Variants in INSRR observed in about 807,000 individuals in gnomAD.
INSRR encodes the protein insulin receptor related receptor.
Under a neutral mutation model 130.0 loss-of-function variants are expected in INSRR, and 114 were observed. That is an observed-to-expected ratio of 0.88 (90% CI 0.75 to 1.02). INSRR has a LOEUF of 1.02. INSRR is among the 50% of genes least tolerant of loss of function. The pLI is 0.00. For missense variants in INSRR, 1,657 were observed against 1,735.2 expected, an observed-to-expected ratio of 0.95 and a Z score of 0.80; for synonymous variants, 674 against 705.2, an observed-to-expected ratio of 0.96 and a Z score of 0.70.
In INSRR at chr1:156,844,843, C is replaced by G. The variant is rs1349869940; in HGVS notation, c.2438G>C (p.Arg813Thr). ...TFVFARTMPH[R>T]EADGIPGKVA... ...CTTTCCTGGAATACCATCAGCCTCT[C>G]CTGCGGGAAGGGGCATCCAGCAGCC... The change falls in exon 13 of 22, where the codon AGA (arginine) becomes ACA (threonine). Residue 813 changes from arginine (R) to threonine (T), a missense_variant and splice_region_variant. Transcript: ENST00000368195. 1.4e-5 allele frequency: 22 copies of G among 1,613,776 alleles called. No homozygotes were observed. The highest frequency in any genetic ancestry group is 1.9e-5 in the Non-Finnish European group (22 of 1,179,926).
chr1:156,843,643 G>T (rs759175593), intron 15 of INSRR, among the ~76,000 whole-genome samples, 164 bp from the exon 16 acceptor site: 8 of 152,230 alleles, frequency 5.3e-5, no homozygotes, highest in Non-Finnish European at 7.3e-5. Context: ...CTCCAAGTTG[G>T]CCTTGGCCCT....
chr1:156,849,962 G>C (rs1655144941), intron 5 of INSRR, among the ~76,000 whole-genome samples: 1 of 151,834 alleles, frequency 6.6e-6, no homozygotes, highest in African/African-American at 2.4e-5. Flanking sequence ...GAGTGCAGTG[G>C]CACAATTGTG....
At chr1:156,847,837 C>T (rs762549342) in intron 7 of INSRR, among the ~76,000 whole-genome samples, 3 of 152,094 alleles carry the variant, frequency 2.0e-5, no homozygotes, top group Non-Finnish European at 4.4e-5. Flanking sequence ...GTTAGGGAAG[C>T]TTGTTGAAGG....
rs139555558 is a variant in INSRR, at chr1:156,842,095, C to A, written c.3397+17G>T. ...CTACTTTTCAGGCCGCCCTCATCTG[C>A]CTGGCACCCTCTGTACCCCCGATCT... On this transcript the variant is annotated intron_variant, in intron 19 of 21. Coordinates refer to ENST00000368195, the MANE Select transcript of INSRR (RefSeq NM_014215.3). The A allele has an allele frequency of 2.5e-6, 4 of 1,613,782 alleles. No homozygotes were observed. In the Admixed American group the frequency reaches 6.7e-5, roughly 27 times the overall value.
At chr1:156,844,399 G>A in intron 14 of INSRR, 63 bp downstream of exon 14, 3 of 1,581,974 alleles carry the variant, frequency 1.9e-6, no homozygotes, top group Non-Finnish European at 2.6e-6. Flanking sequence ...AGGGGCCTGT[G>A]GTGGGCTGGG....
In INSRR at chr1:156,845,224, C is replaced by T. The variant is rs56127838; in HGVS notation, c.2289G>A (p.Gln763=). 5,826 of 1,610,012 alleles carry T rather than the reference C, an allele frequency of 3.6e-3. 234 individuals are homozygous for T. In the African/African-American group the frequency reaches 0.07, roughly 19 times the overall value. The part of the protein sequence containing the change: ...LGGNSSDFEI[Q]EDKVPRERAV... ...CTCGCTCACGGGGCACCTTGTCCTCCTGGATCTCGAAATCCGAGCTGTTGC... is the reference window on the plus strand; with the variant it reads ...CTCGCTCACGGGGCACCTTGTCCTCTTGGATCTCGAAATCCGAGCTGTTGC... Residue 763 remains glutamine (Q), a synonymous_variant, in exon 12 of 22, where the codon CAG becomes CAA. Transcript: ENST00000368195.
chr1:156,850,960 C>A (rs1655184269), intron 5 of INSRR, among the ~76,000 whole-genome samples: 1 of 152,184 alleles, frequency 6.6e-6, no homozygotes, highest in Non-Finnish European at 1.5e-5. Context: ...CTGCAGCTGA[C>A]AGGACCAGAT....
In INSRR at chr1:156,845,833, G is replaced by C; in HGVS notation, c.1979-19C>G. On this transcript the variant is annotated intron_variant, in intron 9 of 21. Transcript: ENST00000368195. The stretch of plus-strand genomic sequence containing the variant: ...CGCAAGCCTGGCGCCGCAGCGGGAA[G>C]ACACTAGTAAGACAGGCGGTCTACC... The C allele has an allele frequency of 1.9e-6, 3 of 1,610,084 alleles. No individual in the cohort carries two copies. The highest frequency in any genetic ancestry group is 2.5e-6 in the Non-Finnish European group (3 of 1,178,812).
rs2102858123 is a variant in INSRR, at chr1:156,845,401, C to T, written c.2187G>A (p.Lys729=). Residue 729 remains lysine (K), a synonymous_variant, in exon 11 of 22, where the codon AAG becomes AAA. Coordinates refer to ENST00000368195, the MANE Select transcript of INSRR (RefSeq NM_014215.3). ...NAITIPISPW[K]VTSINKSPQR... Reference sequence around the variant, plus strand: ...GGGGGCTCTTGTTGATGGACGTCACCTTCCAAGGGGATCTGGGGAGGCCAG... The same window carrying T: ...GGGGGCTCTTGTTGATGGACGTCACTTTCCAAGGGGATCTGGGGAGGCCAG... The T allele has an allele frequency of 6.4e-7, 1 of 1,561,336 alleles. No homozygotes were observed. The highest frequency in any genetic ancestry group is 1.7e-4 in the Middle Eastern group (1 of 5,792).
Position 156,854,042 on chromosome 1 carries a change from A to C in INSRR, c.347T>G (p.Val116Gly). 4.3e-6 allele frequency: 7 copies of C among 1,614,080 alleles called. No homozygotes were observed. The highest frequency in any genetic ancestry group is 5.9e-6 in the Non-Finnish European group (7 of 1,180,024). The change falls in exon 2 of 22, where the codon GTC (valine) becomes GGC (glycine). Residue 116 changes from valine (V) to glycine (G), a missense_variant. Coordinates refer to ENST00000368195, the MANE Select transcript of INSRR (RefSeq NM_014215.3). The surrounding 1 kb of genome is among the most constrained non-coding windows in gnomAD (Gnocchi z 4.2). ...ACGCAGATGTGGCATCTCAAAGATG[A>C]CCAGTGCATAGCCCAGGAAGAGGCG... Reference protein sequence around the residue: ...GTRLFLGYALVIFEMPHLRDV... With the variant: ...GTRLFLGYALGIFEMPHLRDV...
rs747389912 is a variant in INSRR, at chr1:156,844,476, T to C, written c.2723A>G (p.Tyr908Cys). ...NGSWTDSVAF[Y>C]ILGPEEEDAG... ...GCTGTGTATACCTGGGCCAAGGATGTAGAAGGCAACACTGTCTGTCCAAGA... is the reference window on the plus strand; with the variant it reads ...GCTGTGTATACCTGGGCCAAGGATGCAGAAGGCAACACTGTCTGTCCAAGA... The change falls in exon 14 of 22, where the codon TAC becomes TGC. Residue 908 changes from tyrosine (Y) to cysteine (C), a missense_variant. Physicochemically the swap from Tyr to Cys is radical, Grantham distance 194 (BLOSUM62 -2). Transcript: ENST00000368195. 2 of 1,613,766 alleles carry C rather than the reference T, an allele frequency of 1.2e-6. No individual in the cohort carries two copies. Among genetic ancestry groups the C allele is most frequent in the Non-Finnish European group, 1.7e-6 (2 of 1,179,846 alleles).
chr1:156,848,423 C>T (rs1161512381), intron 7 of INSRR, among the ~76,000 whole-genome samples: 1 of 152,178 alleles, frequency 6.6e-6, no homozygotes, highest in African/African-American at 2.4e-5. Context: ...GAAGTCTTTC[C>T]TGTGGTCTAA....
At chr1:156,841,836 G>A (rs759393495) in intron 19 of INSRR, 42 bp from the exon 20 acceptor site, 5 of 1,613,916 alleles carry the variant, frequency 3.1e-6, no homozygotes, top group Admixed American at 1.7e-5. Flanking sequence ...TGGGGCATAA[G>A]AGCCACGCAC....
intron 9 of INSRR, 22 bp downstream of exon 9, chr1:156,845,929 GC>G: frequency 6.2e-7 from 1 of 1,606,662 alleles, no homozygotes; most frequent in African/African-American, 1.3e-5. Context: ...CCCGCGGCCG[GC>G]CTGCGCGTCG....
chr1:156,855,185 T>TATCTATCTA (rs1378246747), intron 1 of INSRR, among the ~76,000 whole-genome samples: 2 of 150,358 alleles, frequency 1.3e-5, no homozygotes, highest in Non-Finnish European at 2.9e-5. Flanking sequence ...TTTATCTATC[T>TATCTATCTA]ATCTATCTAT....
Position 156,851,770 on chromosome 1 carries a change from G to A in INSRR, c.960C>T (p.Cys320=), listed in dbSNP as rs531765692. The A allele has an allele frequency of 2.2e-5, 36 of 1,610,614 alleles. 1 individual carries two copies. The Middle Eastern group carries it at 2.5e-3, about 110-fold the overall frequency. The change falls in exon 4 of 22, where the codon TGC becomes TGT. Residue 320 remains cysteine (C), a synonymous_variant. Coordinates refer to ENST00000368195, the MANE Select transcript of INSRR (RefSeq NM_014215.3). ...TGCACTCTTTAGGGCACAGCCCCTC[G>A]CACTTGTGGCAGAATATGCTAGCAG... ...RNSSSIFCHK[C]EGLCPKECKV... is the part of the protein sequence containing the mutation.
rs558577855 is a variant in INSRR, at chr1:156,842,020, G to T, written c.3397+92C>A. 5.7e-6 allele frequency: 9 copies of T among 1,588,898 alleles called. No homozygotes were observed. The Admixed American group carries it at 1.1e-4, about 19-fold the overall frequency. Reference sequence around the variant, plus strand: ...TGACTTGCCAAGGGTCTCACAGGCTGTCAGGACCAGGGCTGTGGGTCTCCT... The same window carrying T: ...TGACTTGCCAAGGGTCTCACAGGCTTTCAGGACCAGGGCTGTGGGTCTCCT... On this transcript the variant is annotated intron_variant, in intron 19 of 21. Transcript: ENST00000368195.
intron 16 of INSRR, 51 bp downstream of exon 16, chr1:156,843,376 C>T: frequency 6.3e-7 from 1 of 1,595,924 alleles, no homozygotes; most frequent in Non-Finnish European, 8.6e-7. Flanking sequence ...GTCTCTGCTC[C>T]TCTCCTGTCT....
Position 156,843,191 on chromosome 1 carries a change from G to A in INSRR, c.2939C>T (p.Ser980Leu), listed in dbSNP as rs374909614. The change falls in exon 17 of 22, where the codon TCG (serine) becomes TTG (leucine). Residue 980 changes from serine (S) to leucine (L), a missense_variant. By Grantham distance (145) the Ser-to-Leu change is moderately radical (BLOSUM62 -2). Coordinates refer to ENST00000368195, the MANE Select transcript of INSRR (RefSeq NM_014215.3). ...GCCCTGGCCCAGTTCCCGGATTATC[G>A]AGATCTGCTCCCGAGGCACCTCCCA... ...DEWEVPREQISIIRELGQGSF... is the reference protein window; with the variant it reads ...DEWEVPREQILIIRELGQGSF... The A allele has an allele frequency of 1.5e-5, 24 of 1,613,860 alleles. No homozygotes were observed. The highest frequency in any genetic ancestry group is 6.7e-5 in the East Asian group (3 of 44,882).
Sources: allele counts gnomAD v4.1 joint callset (sites outside exome capture counted in the v4.1 genomes callset), GRCh38; gene constraint gnomAD v4.1.1; non-coding constraint Gnocchi (gnomAD v3.1); transcripts MANE v1.5; gene names NCBI Gene and HGNC (gene_info 2026-07-23, HGNC 2026-07-21).